COBL: variants seen among roughly 807,000 people sequenced by gnomAD.
COBL encodes protein cordon-bleu.
A neutral mutation model predicts 98.8 loss-of-function variants in COBL; 51 were observed. That is an observed-to-expected ratio of 0.52 (90% confidence interval 0.41 to 0.65). The LOEUF is 0.65. Ranked by LOEUF, COBL falls within the 30% of genes least tolerant of loss-of-function variation. The probability of loss-of-function intolerance (pLI) is 0.00; values close to 1 mark genes in which losing one functional copy is unlikely to be tolerated. For missense variants in COBL, 1,617 were observed against 1,617.5 expected, an observed-to-expected ratio of 1.00 and a Z score of 0.01; for synonymous variants, 634 against 651.7, an observed-to-expected ratio of 0.97 and a Z score of 0.41.
chr7:51,175,236 C>A (rs1272726066), intron 5 of COBL, among the ~76,000 whole-genome samples: 1 of 152,244 alleles, frequency 6.6e-6, no homozygotes, highest in East Asian at 1.9e-4. Context: ...CTTTACATAG[C>A]ACGCTTTTAA....
chr7:51,262,539 A>G (rs1797812562), intron 1 of COBL, among the ~76,000 whole-genome samples: 1 of 152,188 alleles, frequency 6.6e-6, no homozygotes, highest in Non-Finnish European at 1.5e-5. Context: ...ACAGCCTAGT[A>G]AGAGCGCACA....
At chr7:51,054,232 T>C (rs1790507562) in intron 7 of COBL, among the ~76,000 whole-genome samples, 1 of 152,130 alleles carries the variant, frequency 6.6e-6, no homozygotes, top group African/African-American at 2.4e-5. Flanking sequence ...AAGGAAACTT[T>C]TCGCTTTTTT....
In COBL at chr7:51,299,171, TAC is replaced by T. The variant is rs139865540; in HGVS notation, c.41+17420_41+17421del. 6.1e-3 allele frequency among the ~76,000 whole-genome samples: 901 copies of T among 148,152 alleles called. 4 individuals are homozygous for T. Among genetic ancestry groups the T allele is most frequent in the African/African-American group, 7.3e-3 (296 of 40,610 alleles). On this transcript the variant is annotated intron_variant, in intron 1 of 12. Coordinates refer to ENST00000265136, the MANE Select transcript of COBL (RefSeq NM_015198.5). ...TTCCAAGTCTATGAGCACACATACATACACACACACACACACACACACTCCTC... is the reference window on the plus strand; with the variant it reads ...TTCCAAGTCTATGAGCACACATACATACACACACACACACACACACTCCTC...
chr7:51,109,850 CAT>C (rs1235192375), intron 6 of COBL, among the ~76,000 whole-genome samples: 8 of 152,292 alleles, frequency 5.3e-5, no homozygotes, highest in South Asian at 2.1e-4. Flanking sequence ...AAGGCAGCCA[CAT>C]GTTTCCGTGG....
chr7:51,104,789 A>G (rs562906738), intron 6 of COBL, among the ~76,000 whole-genome samples: 46 of 152,250 alleles, frequency 3.0e-4, no homozygotes, highest in Non-Finnish European at 5.4e-4. Context: ...ATCCTCTGTC[A>G]CCTGGTTAAG....
intron 7 of COBL, among the ~76,000 whole-genome samples, chr7:51,083,629 C>T (rs1793897938): frequency 6.6e-6 from 1 of 152,166 alleles, no homozygotes; most frequent in Non-Finnish European, 1.5e-5. Context: ...CTGTTTTTAG[C>T]CTACTCTTGT....
chr7:51,216,490 T>C (rs193146544), intron 2 of COBL, among the ~76,000 whole-genome samples: 1 of 152,336 alleles, frequency 6.6e-6, no homozygotes, highest in Non-Finnish European at 1.5e-5. Flanking sequence ...TCTGTTCTTG[T>C]GCCTCAATTA....
At chr7:51,198,334 C>T (rs1403341553) in intron 2 of COBL, among the ~76,000 whole-genome samples, 1 of 152,084 alleles carries the variant, frequency 6.6e-6, no homozygotes, top group East Asian at 1.9e-4. Flanking sequence ...AATATTGGCC[C>T]CCAATCTCTT....
chr7:51,146,085 C>T (rs903412937), intron 5 of COBL, among the ~76,000 whole-genome samples: 2 of 152,146 alleles, frequency 1.3e-5, no homozygotes, highest in African/African-American at 2.4e-5. Flanking sequence ...GGCCCCAAGC[C>T]CCATGATTTC....
chr7:51,055,902 A>G (rs1790703315), intron 7 of COBL, among the ~76,000 whole-genome samples: 1 of 152,214 alleles, frequency 6.6e-6, no homozygotes, highest in African/African-American at 2.4e-5. Context: ...GACCAGTTTT[A>G]AAAAGTCACA....
intron 5 of COBL, among the ~76,000 whole-genome samples, chr7:51,158,190 TATTA>T (rs1786385107): frequency 6.6e-6 from 1 of 152,100 alleles, no homozygotes; most frequent in African/African-American, 2.4e-5. Flanking sequence ...ACTGTTTATT[TATTA>T]TTCTTTTTAT....
intron 1 of COBL, among the ~76,000 whole-genome samples, chr7:51,312,770 C>G (rs558431574): frequency 3.9e-5 from 6 of 152,154 alleles, no homozygotes; most frequent in African/African-American, 1.4e-4. Context: ...CTGGAGGTCA[C>G]GAGAAAACAC....
At chr7:51,267,397 C>G (rs1798317009) in intron 1 of COBL, among the ~76,000 whole-genome samples, 1 of 152,064 alleles carries the variant, frequency 6.6e-6, no homozygotes, top group Admixed American at 6.6e-5. Flanking sequence ...AGCAGGGGCT[C>G]AAGAGAACCT....
intron 4 of COBL, among the ~76,000 whole-genome samples, chr7:51,187,250 A>G (rs1177508339): frequency 6.6e-6 from 1 of 151,606 alleles, no homozygotes; most frequent in African/African-American, 2.4e-5. Flanking sequence ...GACCAGGTCA[A>G]CATCTGCAAA....
At chr7:51,083,786 G>C (rs1251048300) in intron 7 of COBL, among the ~76,000 whole-genome samples, 1 of 152,182 alleles carries the variant, frequency 6.6e-6, no homozygotes, top group South Asian at 2.1e-4. Context: ...GAGTTGTAGA[G>C]AGGGTGGGGA....
intron 6 of COBL, among the ~76,000 whole-genome samples, chr7:51,128,588 C>T (rs533818669): frequency 6.6e-6 from 1 of 152,304 alleles, no homozygotes; most frequent in East Asian, 1.9e-4. Flanking sequence ...TTTTGTGTGG[C>T]CATTGCACCC....
chr7:51,227,464 G>A (rs1336887975), intron 1 of COBL, among the ~76,000 whole-genome samples: 1 of 152,144 alleles, frequency 6.6e-6, no homozygotes, highest in Non-Finnish European at 1.5e-5. Context: ...GTACTTCTTT[G>A]AGTATCTGAT....
chr7:51,259,900 A>G, intron 1 of COBL: 1 of 756,708 alleles, frequency 1.3e-6, no homozygotes, highest in Non-Finnish European at 2.4e-6. Context: ...CAATGCGTAC[A>G]ATAAAGGCCA....
intron 6 of COBL, among the ~76,000 whole-genome samples, chr7:51,090,227 G>C (rs1294128042): frequency 6.6e-6 from 1 of 152,138 alleles, no homozygotes; most frequent in Admixed American, 6.5e-5. Flanking sequence ...CCGCACCTCA[G>C]TTTCCCCACA....
Sources: gnomAD v4.1 joint callset for allele counts (sites outside exome capture counted in the v4.1 genomes callset) on GRCh38, gnomAD v4.1.1 for gene constraint, MANE v1.5 for transcripts, NCBI Gene and HGNC (gene_info 2026-07-23, HGNC 2026-07-21) for gene names.